AGBL2: variants seen among roughly 807,000 people sequenced by gnomAD.
AGBL2 encodes the protein cytosolic carboxypeptidase 2.
A neutral mutation model predicts 103.0 loss-of-function variants in AGBL2; 87 were observed. The observed-to-expected ratio is 0.84, with a 90% CI of 0.71 to 1.01. The LOEUF is 1.01. AGBL2 is among the 50% of genes least tolerant of loss of function. The pLI is 0.00. For synonymous variants in AGBL2, 335 were observed against 356.7 expected (o/e 0.94, Z 0.69); for missense variants, 904 against 1,023.5 (o/e 0.88, Z 1.59).
At position 47,663,064 on chromosome 11, in the gene AGBL2, C is replaced by T. The variant is rs1010995348; in HGVS notation, c.2497G>A (p.Ala833Thr). The change falls in exon 18 of 19, where the codon GCC becomes ACC. Residue 833 changes from alanine (A) to threonine (T), a missense_variant. Ala to Thr is a moderately conservative substitution (Grantham distance 58, BLOSUM62 0). Transcript: ENST00000525123. ...TTATTCTTAGGCAGAATCAGGGTGG[C>T]CATTGATGGGTCCAGGGGGGTGTCT... ...DKDTPLDPSM[A>T]TLILPKNKGR... is the part of the protein sequence containing the mutation. The T allele has an allele frequency of 6.2e-7, 1 of 1,611,480 alleles. No individual in the cohort carries two copies. Among genetic ancestry groups the T allele is most frequent in the Non-Finnish European group, 8.5e-7 (1 of 1,179,380 alleles).
chr11:47,662,491 T>C (rs2097330695), intron 18 of AGBL2, among the ~76,000 whole-genome samples: 1 of 123,768 alleles, frequency 8.1e-6, no homozygotes. Context: ...AACTTACTCG[T>C]TCACTTTTTT....
chr11:47,698,982 AAAAG>A (rs1331125381), intron 8 of AGBL2, among the ~76,000 whole-genome samples: 2 of 151,818 alleles, frequency 1.3e-5, no homozygotes, highest in African/African-American at 4.8e-5. Flanking sequence ...AAAAAAAAAA[AAAAG>A]AATGAGTATT....
At chr11:47,684,132 G>C (rs1454781253) in intron 11 of AGBL2, among the ~76,000 whole-genome samples, 1 of 151,936 alleles carries the variant, frequency 6.6e-6, no homozygotes, top group Non-Finnish European at 1.5e-5. Flanking sequence ...AAGTAGCCAG[G>C]CATGGTGGCG....
chr11:47,682,173 G>T, intron 11 of AGBL2, 78 bp from the exon 12 acceptor site: 1 of 1,399,664 alleles, frequency 7.1e-7, no homozygotes. Context: ...TATGATACAA[G>T]AATAATTTCC....
intron 2 of AGBL2, 132 bp downstream of exon 2, chr11:47,714,486 G>GA: frequency 1.5e-6 from 2 of 1,324,598 alleles, no homozygotes; most frequent in South Asian, 2.4e-5. Flanking sequence ...CTATCGTGGG[G>GA]ATCAAGATCT....
At chr11:47,676,727 G>A (rs908997179) in intron 14 of AGBL2, among the ~76,000 whole-genome samples, 8 of 151,248 alleles carry the variant, frequency 5.3e-5, no homozygotes, top group African/African-American at 1.7e-4. Flanking sequence ...GCTGAGCCCG[G>A]AGAATGGCCT....
Position 47,705,933 on chromosome 11 carries a change from G to C in AGBL2, c.233-16C>G, listed in dbSNP as rs2097517191. ...CTGATAGGCCCTAGAAAGAGGAAGA[G>C]GAGGCACCCTTGGTGTCAGGGATCG... On this transcript the variant is annotated splice_polypyrimidine_tract_variant and intron_variant, in intron 4 of 18. Coordinates refer to ENST00000525123, the MANE Select transcript of AGBL2 (RefSeq NM_024783.4). 6.2e-7 allele frequency: 1 copy of C among 1,613,140 alleles called. No individual in the cohort carries two copies. Among genetic ancestry groups the C allele is most frequent in the African/African-American group, 1.3e-5 (1 of 74,874 alleles).
At chr11:47,700,604 CAACAAACA>C (rs562086156) in intron 7 of AGBL2, among the ~76,000 whole-genome samples, 2 of 141,652 alleles carry the variant, frequency 1.4e-5, no homozygotes, top group African/African-American at 5.4e-5. Context: ...ACAAACAAAC[CAACAAACA>C]AACAAACAAA....
intron 15 of AGBL2, 28 bp from the exon 16 acceptor site, chr11:47,667,724 A>T: frequency 6.2e-7 from 1 of 1,603,504 alleles, no homozygotes; most frequent in African/African-American, 1.3e-5. Flanking sequence ...GAAACTGGTC[A>T]TTGAAGATTC....
chr11:47,660,678 C>T lies in AGBL2; in HGVS notation c.2536-332G>A, dbSNP rs562322058. On this transcript the variant is annotated intron_variant, in intron 18 of 18. Transcript: ENST00000525123. ...AAGCAATTCTCCTGCCTCAGCCTCC[C>T]GAGGAGCTGGGACTACAGGCGTGCA... 6.6e-5 allele frequency among the ~76,000 whole-genome samples: 10 copies of T among 151,842 alleles called. No individual in the cohort carries two copies. In the South Asian group the frequency reaches 1.3e-3, roughly 19 times the overall value.
intron 3 of AGBL2, among the ~76,000 whole-genome samples, chr11:47,711,268 C>A (rs1174524973): frequency 1.3e-5 from 2 of 152,012 alleles, no homozygotes; most frequent in Non-Finnish European, 2.9e-5. Flanking sequence ...CATCAAATAA[C>A]CACTAAAGAT....
intron 17 of AGBL2, among the ~76,000 whole-genome samples, chr11:47,665,656 G>A (rs1421552890): frequency 1.3e-5 from 2 of 152,118 alleles, no homozygotes; most frequent in East Asian, 3.9e-4. Context: ...GTTTCACTAT[G>A]TTGTGCAGGC....
chr11:47,691,095 T>TAC (rs1186235118), intron 9 of AGBL2, among the ~76,000 whole-genome samples: 1 of 35,484 alleles, frequency 2.8e-5, no homozygotes, highest in Non-Finnish European at 6.9e-5. Context: ...CTCTACTAAA[T>TAC]ATACAAAAAA....
At chr11:47,684,945 G>A (rs1210440255) in intron 11 of AGBL2, among the ~76,000 whole-genome samples, 2 of 152,010 alleles carry the variant, frequency 1.3e-5, no homozygotes, top group East Asian at 1.9e-4. Flanking sequence ...AGTAGCTCAC[G>A]CCTGTAATCT....
chr11:47,663,999 C>T (rs1354104098), intron 17 of AGBL2, among the ~76,000 whole-genome samples: 2 of 151,926 alleles, frequency 1.3e-5, no homozygotes, highest in Non-Finnish European at 2.9e-5. Context: ...GAATTACAGG[C>T]GCCTGCCACC....
At position 47,690,645 on chromosome 11, in the gene AGBL2, C is replaced by A; in HGVS notation, c.1062G>T (p.Arg354Ser). ...AGTACTTGATTTCATTTCCTTCTCT[C>A]CTCCAGCCAATATTGCGGGTGTTGG... The part of the protein sequence containing the change: ...LDANTRNIGW[R>S]REGNEIKYYK... Residue 354 changes from arginine (R) to serine (S), a missense_variant, in exon 10 of 19, where the codon AGG becomes AGT. Physicochemically the swap from Arg to Ser is moderately radical, Grantham distance 110. Transcript: ENST00000525123. 1 of 1,614,160 alleles carries A rather than the reference C, an allele frequency of 6.2e-7. No individual in the cohort carries two copies.
At chr11:47,660,392 A>C in intron 18 of AGBL2, 46 bp from the exon 19 acceptor site, 2 of 1,558,750 alleles carry the variant, frequency 1.3e-6, no homozygotes, top group South Asian at 2.4e-5. Flanking sequence ...TTATTTTGCC[A>C]TTTCCAAATA....
At chr11:47,702,935 G>T (rs1283063972) in intron 7 of AGBL2, among the ~76,000 whole-genome samples, 1 of 152,054 alleles carries the variant, frequency 6.6e-6, no homozygotes, top group Non-Finnish European at 1.5e-5. Context: ...CATACGTGAT[G>T]TTTGCTAGAC....
chr11:47,695,835 T>C (rs1202466316), intron 8 of AGBL2, among the ~76,000 whole-genome samples: 1 of 150,856 alleles, frequency 6.6e-6, no homozygotes, highest in Non-Finnish European at 1.5e-5. Flanking sequence ...GTTGGTGAAA[T>C]ATTGGTATTA....
Sources: allele counts gnomAD v4.1 joint callset (sites outside exome capture counted in the v4.1 genomes callset), GRCh38; gene constraint gnomAD v4.1.1; transcripts MANE v1.5; gene names NCBI Gene and HGNC (gene_info 2026-07-23, HGNC 2026-07-21).